The following CCDC196 variants were observed in gnomAD, a reference collection of about 807,000 sequenced individuals.
The protein encoded by CCDC196 is coiled-coil domain-containing protein 196.
chr14:66,488,326 GGAGA>G (rs2057456433), intron 3 of CCDC196, 70 bp downstream of exon 3: 2 of 407,744 alleles, frequency 4.9e-6, no homozygotes, highest in Non-Finnish European at 8.9e-6. Flanking sequence ...TGTCAGATGT[GGAGA>G]GAAAGACAGA....
Position 66,498,422 on chromosome 14 carries a change from G to C in CCDC196, c.844G>C (p.Gly282Arg), listed in dbSNP as rs1432397811. 7 of 413,388 alleles carry C rather than the reference G, an allele frequency of 1.7e-5. No homozygotes were observed. The East Asian group carries it at 2.5e-4, about 15-fold the overall frequency. The allele number at this position is 413,388 out of a possible 1,614,324, so 25.6% of individuals were successfully genotyped here. The change falls in exon 10 of 10, where the codon GGG (glycine) becomes CGG (arginine). Residue 282 changes from glycine (G) to arginine (R), a missense_variant. Physicochemically the swap from Gly to Arg is moderately radical, Grantham distance 125. Coordinates refer to ENST00000636229, the MANE Select transcript of CCDC196 (RefSeq NM_001351576.1). ...AGGAAGTCAGCTTGATAATACAGGA[G>C]GGAGACTCTTTTTTCTGAGGTCATT... ...TKGSQLDNTG[G>R]RLFFLRSLPD... is the part of the protein sequence containing the mutation.
At chr14:66,489,654 T>G (rs2057492510) in intron 4 of CCDC196, among the ~76,000 whole-genome samples, 1 of 152,206 alleles carries the variant, frequency 6.6e-6, no homozygotes, top group African/African-American at 2.4e-5. Flanking sequence ...TCAAGCTCCT[T>G]CAATATCTTG....
chr14:66,490,985 A>C, intron 5 of CCDC196, 36 bp from the exon 6 acceptor site: 3 of 413,282 alleles, frequency 7.3e-6, no homozygotes, highest in Non-Finnish European at 1.3e-5. Context: ...CTTTCCTAGG[A>C]CCTCTTATTC....
chr14:66,491,600 C>T (rs1377047992), intron 6 of CCDC196, 26 bp from the exon 7 acceptor site: 1 of 413,668 alleles, frequency 2.4e-6, no homozygotes, highest in Non-Finnish European at 4.4e-6. Context: ...TTTACTTTGT[C>T]ACCCAGAGGC....
At chr14:66,497,643 G>A (rs377099943) in intron 8 of CCDC196, among the ~76,000 whole-genome samples, 3 of 151,908 alleles carry the variant, frequency 2.0e-5, no homozygotes, top group Admixed American at 1.3e-4. Context: ...ACTCACTATC[G>A]GTTGTATTTA....
At chr14:66,489,960 A>T (rs762121209) in intron 4 of CCDC196, among the ~76,000 whole-genome samples, 2 of 152,086 alleles carry the variant, frequency 1.3e-5, no homozygotes, top group African/African-American at 4.8e-5. Flanking sequence ...AGAAGAGTAG[A>T]CTGTGTCTTG....
chr14:66,492,718 A>G (rs1440965733), intron 8 of CCDC196: 1 of 152,690 alleles, frequency 6.5e-6, no homozygotes, highest in East Asian at 1.9e-4. Context: ...CTTTGTAAAG[A>G]TAAAGTAATA....
intron 8 of CCDC196, among the ~76,000 whole-genome samples, chr14:66,495,224 A>G (rs1250534036): frequency 6.6e-6 from 1 of 152,176 alleles, no homozygotes; most frequent in African/African-American, 2.4e-5. Flanking sequence ...AAATTTTGGC[A>G]AATTGTAATT....
rs1406390353 is a variant in CCDC196 at position 66,495,994 on chromosome 14, T to G, written c.716-2115T>G. On this transcript the variant is annotated intron_variant, in intron 8 of 9. Coordinates refer to ENST00000636229, the MANE Select transcript of CCDC196 (RefSeq NM_001351576.1). ...TTCCTCCACAATCCTTGTAGAATAG[T>G]GTTCCCTTCCACCACAGATAAATCA... Among the ~76,000 whole-genome samples the G allele has an allele frequency of 2.6e-5, 4 of 152,200 alleles. No homozygotes were observed. The East Asian group carries it at 7.7e-4, about 29-fold the overall frequency.
At chr14:66,491,812 G>T in intron 7 of CCDC196, 127 bp downstream of exon 7, 1 of 411,792 alleles carries the variant, frequency 2.4e-6, no homozygotes, top group Non-Finnish European at 4.4e-6. Flanking sequence ...TAAAACAAAT[G>T]TATCATAGAA....
chr14:66,490,598 C>G, intron 4 of CCDC196, 144 bp from the exon 5 acceptor site: 1 of 396,384 alleles, frequency 2.5e-6, no homozygotes. Context: ...ATTACATTCT[C>G]AACTCCCTTT....
chr14:66,493,460 C>T (rs1485146950), intron 8 of CCDC196, among the ~76,000 whole-genome samples: 1 of 152,132 alleles, frequency 6.6e-6, no homozygotes, highest in Admixed American at 6.5e-5. Context: ...TCCTCCAGGT[C>T]CATATAATGG....
intron 8 of CCDC196, chr14:66,496,335 C>G (rs763980423): frequency 8.8e-6 from 4 of 456,252 alleles, no homozygotes; most frequent in South Asian, 6.2e-5. Context: ...GTGGTATGAT[C>G]TGTGTAGCTG....
chr14:66,486,430 T>C lies in CCDC196; in HGVS notation c.-73T>C, dbSNP rs1042393733. 1 of 399,814 alleles carries C rather than the reference T, an allele frequency of 2.5e-6. No homozygotes were observed. The highest frequency in any genetic ancestry group is 2.1e-5 in the African/African-American group (1 of 48,618). 24.8% of individuals were successfully genotyped at this position (399,814 alleles called of 1,614,324 possible). On this transcript the variant is annotated 5_prime_UTR_variant, in exon 1 of 10. An upstream start codon of the reference 5' UTR is lost. Transcript: ENST00000636229. The stretch of plus-strand genomic sequence containing the variant: ...TTCAAGAACAGCAGCACAAAAATAA[T>C]GACTTAACTGGATAGAAAAAAAGGC...
Position 66,491,080 on chromosome 14 carries a change from A to G in CCDC196, c.489A>G (p.Ala163=). ...KTESELEKSF[A]EKVKEIRKEK... is the part of the protein sequence containing the mutation. ...AGAGTGAACTGGAGAAATCATTTGC[A>G]GAGAAAGTGAAGGAGATAAGGAAGG... The change falls in exon 6 of 10, where the codon GCA becomes GCG. Residue 163 remains alanine, a synonymous_variant. Transcript: ENST00000636229. The G allele has an allele frequency of 4.8e-6, 2 of 413,504 alleles. No homozygotes were observed. The highest frequency in any genetic ancestry group is 8.8e-6 in the Non-Finnish European group (2 of 226,140). The allele number at this position is 413,504 out of a possible 1,614,324, so 25.6% of individuals were successfully genotyped here. A position where few individuals can be genotyped will look rare whatever the true frequency, so the allele number is the denominator to read the frequency against.
intron 6 of CCDC196, 119 bp downstream of exon 6, chr14:66,491,223 T>C (rs2057527405): frequency 2.5e-6 from 1 of 401,544 alleles, no homozygotes; most frequent in African/African-American, 2.1e-5. Flanking sequence ...TTTTTATAGA[T>C]TTGGTTCCCT....
In CCDC196 at chr14:66,488,193, G is replaced by C; in HGVS notation, c.237G>C (p.Lys79Asn). 2.4e-6 allele frequency: 1 copy of C among 413,174 alleles called. No homozygotes were observed. Among genetic ancestry groups the C allele is most frequent in the Non-Finnish European group, 4.4e-6 (1 of 225,896 alleles). 25.6% of individuals were successfully genotyped at this position (413,174 alleles called of 1,614,324 possible). A position where few individuals can be genotyped will look rare whatever the true frequency, so the allele number is the denominator to read the frequency against. ...TCATGAGACAGATCATGGCAGGGAAGGGGTGTGAGGAATCCTCGGTCATGG... is the reference window on the plus strand; with the variant it reads ...TCATGAGACAGATCATGGCAGGGAACGGGTGTGAGGAATCCTCGGTCATGG... ...LQIMRQIMAG[K>N]GCEESSVMEL... is the part of the protein sequence containing the mutation. Residue 79 changes from lysine to asparagine, a missense_variant, in exon 3 of 10, where the codon AAG becomes AAC. Coordinates refer to ENST00000636229, the MANE Select transcript of CCDC196 (RefSeq NM_001351576.1).
At chr14:66,487,660 A>C (rs940558885) in intron 2 of CCDC196, among the ~76,000 whole-genome samples, 2 of 152,184 alleles carry the variant, frequency 1.3e-5, no homozygotes, top group Non-Finnish European at 2.9e-5. Context: ...AATGGCTTGC[A>C]TTCTCTGGGG....
intron 8 of CCDC196, among the ~76,000 whole-genome samples, chr14:66,493,326 C>T (rs2057585843): frequency 6.6e-6 from 1 of 152,270 alleles, no homozygotes; most frequent in Non-Finnish European, 1.5e-5. Flanking sequence ...AGGTAGGCTA[C>T]AAATTTGGTT....
Sources: gnomAD v4.1 joint callset for allele counts (sites outside exome capture counted in the v4.1 genomes callset) on GRCh38, gnomAD v4.1.1 for gene constraint, MANE v1.5 for transcripts, NCBI Gene and HGNC (gene_info 2026-07-23, HGNC 2026-07-21) for gene names.